LEKR1: variants seen among roughly 807,000 people sequenced by gnomAD.
LEKR1 encodes the protein protein LEKR1.
In LEKR1, 59 loss-of-function variants were observed where a neutral mutation model predicts 72.4. The observed-to-expected ratio is 0.82, with a 90% CI of 0.66 to 1.01. The LOEUF (loss-of-function observed/expected upper bound fraction) is 1.01, where lower values mean the gene tolerates loss of function less well. Ranked by LOEUF, LEKR1 falls within the 50% of genes least tolerant of loss-of-function variation. LEKR1 has a pLI of 0.00. For missense variants in LEKR1, 728 were observed against 759.2 expected, an observed-to-expected ratio of 0.96 and a Z score of 0.48; for synonymous variants, 257 against 263.2, an observed-to-expected ratio of 0.98 and a Z score of 0.23.
chr3:156,927,405 C>A, intron 4 of LEKR1, 24 bp from the exon 5 acceptor site: 19 of 877,134 alleles, frequency 2.2e-5, no homozygotes, highest in Non-Finnish European at 2.7e-5. Context: ...TTTTAAAATC[C>A]TATTTTTTTT....
intron 6 of LEKR1, among the ~76,000 whole-genome samples, chr3:156,965,205 A>G (rs968689593): frequency 6.6e-6 from 1 of 152,146 alleles, no homozygotes; most frequent in African/African-American, 2.4e-5. Flanking sequence ...AAATAATTTA[A>G]TCATGGTAAA....
chr3:157,010,827 G>T (rs1307852925), intron 9 of LEKR1, among the ~76,000 whole-genome samples: 1 of 152,026 alleles, frequency 6.6e-6, no homozygotes, highest in Admixed American at 6.6e-5. Flanking sequence ...AGATGATAAA[G>T]TGATCTTTAT....
chr3:156,960,425 A>G (rs1054307789), intron 6 of LEKR1, among the ~76,000 whole-genome samples: 1 of 152,070 alleles, frequency 6.6e-6, no homozygotes, highest in Non-Finnish European at 1.5e-5. Flanking sequence ...AGCTGGGATT[A>G]CAGACATGCG....
intron 6 of LEKR1, among the ~76,000 whole-genome samples, chr3:156,976,432 G>GGTGTGATTGTTCTCTCTGAT (rs1231682507): frequency 6.6e-6 from 1 of 151,934 alleles, no homozygotes; most frequent in Non-Finnish European, 1.5e-5. Context: ...TTAATAGTAA[G>GGTGTGATTGTTCTCTCTGAT]GTGTGATTGT....
intron 6 of LEKR1, among the ~76,000 whole-genome samples, chr3:156,957,729 T>C (rs2107981115): frequency 6.6e-6 from 1 of 152,250 alleles, no homozygotes; most frequent in South Asian, 2.1e-4. Context: ...TAGCCTCTTC[T>C]AAAAGGCAGT....
chr3:156,853,170 T>C (rs1229445179), intron 3 of LEKR1, 188 bp downstream of exon 3: 5 of 328,328 alleles, frequency 1.5e-5, no homozygotes, highest in Non-Finnish European at 2.7e-5. Context: ...TTGAGGCATA[T>C]ATTTACTATC....
At chr3:156,963,597 TA>T (rs1232045234) in intron 6 of LEKR1, among the ~76,000 whole-genome samples, 2 of 152,098 alleles carry the variant, frequency 1.3e-5, no homozygotes, top group African/African-American at 4.8e-5. Flanking sequence ...TTAACATCAT[TA>T]AAAAAATCAT....
chr3:156,936,467 C>CACACACACA (rs767163001), intron 5 of LEKR1, among the ~76,000 whole-genome samples: 1,544 of 70,110 alleles, frequency 0.022, 49 homozygotes, highest in African/African-American at 0.044. Context: ...ACACACACAC[C>CACACACACA]CCCCGTATGC....
intron 2 of LEKR1, among the ~76,000 whole-genome samples, chr3:156,847,583 G>A (rs1714782197): frequency 6.6e-6 from 1 of 152,276 alleles, no homozygotes; most frequent in South Asian, 2.1e-4. Context: ...TCACAAAAAT[G>A]CCCTAAGTAA....
intron 6 of LEKR1, among the ~76,000 whole-genome samples, chr3:156,956,217 T>A (rs1273665476): frequency 6.6e-6 from 1 of 152,008 alleles, no homozygotes; most frequent in Non-Finnish European, 1.5e-5. Flanking sequence ...GTAGCTTCTG[T>A]GTCCCTAAGA....
chr3:156,957,862 C>T (rs1363417378), intron 6 of LEKR1, among the ~76,000 whole-genome samples: 1 of 152,038 alleles, frequency 6.6e-6, no homozygotes, highest in Non-Finnish European at 1.5e-5. Flanking sequence ...TCATAGGTCA[C>T]TGTAACCTGA....
chr3:157,001,114 A>G (rs1344913621), intron 9 of LEKR1, among the ~76,000 whole-genome samples: 2 of 152,122 alleles, frequency 1.3e-5, no homozygotes, highest in Non-Finnish European at 2.9e-5. Context: ...TTCGTAAATT[A>G]CCCCGTCTCA....
At chr3:156,924,567 T>G (rs1278906328) in intron 4 of LEKR1, 2 of 656,186 alleles carry the variant, frequency 3.0e-6, no homozygotes, top group Non-Finnish European at 5.5e-6. Context: ...TATTTTCTTC[T>G]AAGTGTTTTA....
At position 157,011,540 on chromosome 3, in the gene LEKR1, C is replaced by T. The variant is rs767455214; in HGVS notation, c.1203+34C>T. On this transcript the variant is annotated intron_variant, in intron 10 of 12. Coordinates refer to ENST00000356539, the MANE Select transcript of LEKR1 (RefSeq NM_001004316.3). Reference sequence around the variant, plus strand: ...AGTGTGGCTTTCATCAGCATGCAACCTATTTGCATTTTAAAAATTCTGACC... The same window carrying T: ...AGTGTGGCTTTCATCAGCATGCAACTTATTTGCATTTTAAAAATTCTGACC... 13 of 1,428,636 alleles carry T rather than the reference C, an allele frequency of 9.1e-6. No individual in the cohort carries two copies. In the Admixed American group the frequency reaches 1.3e-4, roughly 15 times the overall value. 88.5% of individuals were successfully genotyped at this position (1,428,636 alleles called of 1,614,324 possible). A position where few individuals can be genotyped will look rare whatever the true frequency, so the allele number is the denominator to read the frequency against.
intron 9 of LEKR1, among the ~76,000 whole-genome samples, chr3:157,008,619 A>G (rs1246344315): frequency 6.6e-6 from 1 of 152,238 alleles, no homozygotes. Flanking sequence ...ACAAATGAGG[A>G]ATAGAAGAAA....
chr3:156,978,683 G>A (rs1729912690), intron 6 of LEKR1, among the ~76,000 whole-genome samples: 1 of 152,016 alleles, frequency 6.6e-6, no homozygotes, highest in Non-Finnish European at 1.5e-5. Context: ...TATTCTCTTG[G>A]TTTTGAAAGT....
At chr3:157,022,237 G>A (rs1733896381) in intron 10 of LEKR1, among the ~76,000 whole-genome samples, 1 of 152,226 alleles carries the variant, frequency 6.6e-6, no homozygotes, top group Middle Eastern at 3.4e-3. Context: ...GCTAGTAGTC[G>A]CCCCGTAAAA....
intron 12 of LEKR1, among the ~76,000 whole-genome samples, chr3:157,042,071 A>C (rs1277443018): frequency 6.6e-6 from 1 of 152,192 alleles, no homozygotes; most frequent in African/African-American, 2.4e-5. Flanking sequence ...TATAAATCTG[A>C]ATTGCCTATT....
At chr3:156,931,464 A>C (rs947374181) in intron 5 of LEKR1, among the ~76,000 whole-genome samples, 2 of 152,198 alleles carry the variant, frequency 1.3e-5, no homozygotes, top group Non-Finnish European at 2.9e-5. Flanking sequence ...ATATACATCT[A>C]TCCGAAGTCC....
Sources: gnomAD v4.1 joint callset for allele counts (sites outside exome capture counted in the v4.1 genomes callset) on GRCh38, gnomAD v4.1.1 for gene constraint, MANE v1.5 for transcripts, NCBI Gene and HGNC (gene_info 2026-07-23, HGNC 2026-07-21) for gene names.